The following COL5A2 variants were observed in gnomAD, a reference collection of about 807,000 sequenced individuals.
The protein encoded by COL5A2 is collagen type V alpha 2 chain.
Under a neutral mutation model 208.2 loss-of-function variants are expected in COL5A2, and 23 were observed. The observed-to-expected ratio is 0.11, with a 90% CI of 0.08 to 0.16. The LOEUF (loss-of-function observed/expected upper bound fraction) is 0.16. Among genes scored for constraint, COL5A2 ranks in the 10% least tolerant of loss-of-function variants. The pLI, the probability that COL5A2 is intolerant of heterozygous loss-of-function variation, is 1.00. For missense variants in COL5A2, 1,590 were observed against 1,956.4 expected (o/e 0.81, Z 3.53); for synonymous variants, 625 against 628.5 (o/e 0.99, Z 0.08).
the COL5A2 span, among the ~76,000 whole-genome samples, chr2:189,306,562 G>T: frequency 6.6e-6 from 1 of 152,114 alleles, no homozygotes; most frequent in East Asian, 1.9e-4. Flanking sequence ...CATTAATGAG[G>T]GAATTCTGGT....
intron 1 of COL5A2, among the ~76,000 whole-genome samples, chr2:189,172,392 C>G (rs180674613): frequency 6.6e-6 from 1 of 152,312 alleles, no homozygotes; most frequent in African/African-American, 2.4e-5. Flanking sequence ...AAATACACCA[C>G]TAGGGTTTAT....
intron 1 of COL5A2, among the ~76,000 whole-genome samples, chr2:189,208,599 G>A (rs910974034): frequency 1.3e-5 from 2 of 152,158 alleles, no homozygotes; most frequent in African/African-American, 4.8e-5. Flanking sequence ...GATAAGAATA[G>A]AAACGAAGGA....
At chr2:189,185,421 C>T (rs1385418702) in intron 1 of COL5A2, among the ~76,000 whole-genome samples, 1 of 151,998 alleles carries the variant, frequency 6.6e-6, no homozygotes, top group East Asian at 1.9e-4. Context: ...AGTACTCTTA[C>T]TACAAATGAG....
intron 1 of COL5A2, among the ~76,000 whole-genome samples, chr2:189,143,951 T>C (rs1207411880): frequency 6.6e-6 from 1 of 152,144 alleles, no homozygotes; most frequent in Non-Finnish European, 1.5e-5. Context: ...CTTAAAGAAC[T>C]AGACATGGTA....
chr2:189,106,811 ATACTTT>A (rs2105704457), intron 2 of COL5A2, among the ~76,000 whole-genome samples: 1 of 151,496 alleles, frequency 6.6e-6, no homozygotes, highest in South Asian at 2.1e-4. Context: ...TCATTGTCAA[ATACTTT>A]TACTTTAATT....
chr2:189,369,608 T>C, the COL5A2 span, among the ~76,000 whole-genome samples: 33 of 151,964 alleles, frequency 2.2e-4, no homozygotes, highest in Non-Finnish European at 2.2e-4. Context: ...GTATTACCTA[T>C]GAATTTTGAT....
intron 1 of COL5A2, among the ~76,000 whole-genome samples, chr2:189,223,581 A>G (rs942394587): frequency 6.6e-6 from 1 of 152,208 alleles, no homozygotes; most frequent in Non-Finnish European, 1.5e-5. Flanking sequence ...CGTGTGTATC[A>G]ACAACATCGT....
At chr2:189,358,722 T>C in the COL5A2 span, among the ~76,000 whole-genome samples, 1 of 152,252 alleles carries the variant, frequency 6.6e-6, no homozygotes, top group Non-Finnish European at 1.5e-5. Flanking sequence ...ATACTTTCCA[T>C]TTTATTGTGT....
the COL5A2 span, among the ~76,000 whole-genome samples, chr2:189,425,617 A>T: frequency 6.6e-6 from 1 of 152,212 alleles, no homozygotes; most frequent in South Asian, 2.1e-4. Flanking sequence ...ATACCACATG[A>T]TACAATTTGA....
At chr2:189,130,313 T>A (rs1170326125) in intron 1 of COL5A2, among the ~76,000 whole-genome samples, 3 of 152,086 alleles carry the variant, frequency 2.0e-5, no homozygotes, top group South Asian at 2.1e-4. Context: ...AATAGACTTC[T>A]AGAAGTAAGT....
the COL5A2 span, among the ~76,000 whole-genome samples, chr2:189,336,115 A>G: frequency 1.3e-5 from 2 of 152,216 alleles, no homozygotes; most frequent in Non-Finnish European, 2.9e-5. Context: ...AAAGACATGG[A>G]AAGGCCAATA....
chr2:189,425,379 T>C, the COL5A2 span, among the ~76,000 whole-genome samples: 2 of 152,162 alleles, frequency 1.3e-5, no homozygotes. Flanking sequence ...GAAATCAGTA[T>C]GTCAAAGAGC....
Position 189,084,691 on chromosome 2 carries a change from GT to G in COL5A2, c.798+468del, listed in dbSNP as rs531801816. The stretch of plus-strand genomic sequence containing the variant: ...TCTTAATGTTAAAATCTGGAGTTGG[GT>G]CTTAACTTTAATTAAAAATCCAATT... On this transcript the variant is annotated intron_variant, in intron 11 of 53. Coordinates refer to ENST00000374866, the MANE Select transcript of COL5A2 (RefSeq NM_000393.5). Among the ~76,000 whole-genome samples, 881 of 152,186 alleles carry G rather than the reference GT, an allele frequency of 5.8e-3. 7 individuals are homozygous for G. The highest frequency in any genetic ancestry group is 6.0e-3 in the Non-Finnish European group (406 of 68,010).
intron 1 of COL5A2, among the ~76,000 whole-genome samples, chr2:189,128,677 C>T (rs1687654474): frequency 6.6e-6 from 1 of 151,846 alleles, no homozygotes; most frequent in South Asian, 2.1e-4. Context: ...TATTTTGATG[C>T]CAGATTCAGA....
the COL5A2 span, among the ~76,000 whole-genome samples, chr2:189,270,219 C>T: frequency 6.6e-5 from 10 of 152,008 alleles, no homozygotes; most frequent in South Asian, 4.2e-4. Context: ...AAGCGTTTTT[C>T]GCATCTCGAT....
At chr2:189,141,816 C>T (rs1321995418) in intron 1 of COL5A2, among the ~76,000 whole-genome samples, 1 of 152,108 alleles carries the variant, frequency 6.6e-6, no homozygotes, top group Admixed American at 6.6e-5. Context: ...GAAGCCATCT[C>T]TTTTTCACTT....
the COL5A2 span, among the ~76,000 whole-genome samples, chr2:189,284,943 G>T: frequency 6.6e-6 from 1 of 151,976 alleles, no homozygotes; most frequent in Non-Finnish European, 1.5e-5. Flanking sequence ...CTTTGCTGGG[G>T]TGTTTTATTA....
At chr2:189,290,817 A>G in the COL5A2 span, among the ~76,000 whole-genome samples, 1 of 151,826 alleles carries the variant, frequency 6.6e-6, no homozygotes, top group Non-Finnish European at 1.5e-5. Context: ...GTTAGACATA[A>G]CAAATATGTG....
At chr2:189,199,219 T>C (rs1455331163) in intron 1 of COL5A2, among the ~76,000 whole-genome samples, 3 of 152,194 alleles carry the variant, frequency 2.0e-5, no homozygotes, top group Non-Finnish European at 2.9e-5. Context: ...CTGGCCACTT[T>C]ATTAATTCTA....
Sources: allele counts gnomAD v4.1 joint callset (sites outside exome capture counted in the v4.1 genomes callset), GRCh38; gene constraint gnomAD v4.1.1; transcripts MANE v1.5; gene names NCBI Gene and HGNC (gene_info 2026-07-23, HGNC 2026-07-21).